Variants in ZNF750 observed in about 807,000 individuals in gnomAD.
ZNF750 encodes the protein zinc finger protein 750, also known as protein ZNF750.
A neutral mutation model predicts 31.6 loss-of-function variants in ZNF750; 10 were observed. The observed-to-expected ratio is 0.32, with a 90% CI of 0.19 to 0.54. ZNF750 has a LOEUF of 0.54. ZNF750 is among the 20% of genes least tolerant of loss of function. The pLI is 0.95. For synonymous variants in ZNF750, 400 were observed against 404.9 expected, an observed-to-expected ratio of 0.99 and a Z score of 0.15; for missense variants, 914 against 934.9, an observed-to-expected ratio of 0.98 and a Z score of 0.29.
At chr17:82,839,518 A>G (rs1232487183) in intron 1 of ZNF750, among the ~76,000 whole-genome samples, 1 of 151,476 alleles carries the variant, frequency 6.6e-6, no homozygotes, top group African/African-American at 2.5e-5. Context: ...ATGTACATAC[A>G]CCACACATAT....
intron 1 of ZNF750, among the ~76,000 whole-genome samples, chr17:82,834,676 A>T (rs1442084073): frequency 6.8e-6 from 1 of 147,008 alleles, no homozygotes; most frequent in Non-Finnish European, 1.5e-5. Context: ...GTGAAAACAC[A>T]TGGACACAGG....
At chr17:82,836,056 C>T (rs1242403678) in intron 1 of ZNF750, among the ~76,000 whole-genome samples, 2 of 152,192 alleles carry the variant, frequency 1.3e-5, no homozygotes, top group Non-Finnish European at 2.9e-5. Flanking sequence ...AAATGAAACA[C>T]GTAATGATAG....
rs772763914 is a variant in ZNF750, at chr17:82,830,366, G to A, written c.1948C>T (p.Arg650Trp). Residue 650 changes from arginine (R) to tryptophan (W), a missense_variant, in exon 3 of 3, where the codon CGG becomes TGG. Physicochemically the swap from Arg to Trp is moderately radical, Grantham distance 101. Coordinates refer to ENST00000269394, the MANE Select transcript of ZNF750 (RefSeq NM_024702.3). ...GCCGCAGCATCCCCATCGCCCACCCGGATGTTCCTGGGGCTGTAGGCCGCC... is the reference window on the plus strand; with the variant it reads ...GCCGCAGCATCCCCATCGCCCACCCAGATGTTCCTGGGGCTGTAGGCCGCC... ...QLAAYSPRNI[R>W]VGDGDAAAPE... 7 of 1,613,166 alleles carry A rather than the reference G, an allele frequency of 4.3e-6. No homozygotes were observed. The South Asian group carries it at 6.6e-5, about 15-fold the overall frequency.
Position 82,833,925 on chromosome 17 carries a change from G to A in ZNF750, c.-182-1289C>T, listed in dbSNP as rs1442257853. On this transcript the variant is annotated intron_variant, in intron 1 of 2. Coordinates refer to ENST00000269394, the MANE Select transcript of ZNF750 (RefSeq NM_024702.3). This position sits in a 1 kb window ranked among gnomAD's most constrained non-coding sequence, Gnocchi z 4.7. ...GTTTCCTTCAGAGGCTGTGCCGCAC[G>A]CCCAAGGCTGAGAACAAAGGCTGTT... Among the ~76,000 whole-genome samples the A allele has an allele frequency of 4.0e-5, 6 of 151,654 alleles. No homozygotes were observed. Among genetic ancestry groups the A allele is most frequent in the Admixed American group, 2.0e-4 (3 of 15,222 alleles).
At position 82,830,610 on chromosome 17, in the gene ZNF750, G is replaced by T. The variant is rs773596288; in HGVS notation, c.1704C>A (p.Phe568Leu). 1 of 1,613,950 alleles carries T rather than the reference G, an allele frequency of 6.2e-7. No homozygotes were observed. Among genetic ancestry groups the T allele is most frequent in the Non-Finnish European group, 8.5e-7 (1 of 1,179,974 alleles). The change falls in exon 3 of 3, where the codon TTC (phenylalanine) becomes TTA (leucine). Residue 568 changes from phenylalanine (F) to leucine (L), a missense_variant. By Grantham distance (22) the Phe-to-Leu change is conservative (BLOSUM62 0). Transcript: ENST00000269394. The part of the protein sequence containing the change: ...PCNTQAPRPA[F>L]PGRPRAAEPA... ...GTTCTGCAGCTCGTGGTCGACCGGG[G>T]AAGGCAGGCCTCGGAGCCTGGGTGT... is the stretch of plus-strand genomic sequence containing the variant.
intron 1 of ZNF750, chr17:82,838,589 G>A (rs1567865370): frequency 5.3e-6 from 5 of 935,928 alleles, no homozygotes; most frequent in African/African-American, 1.8e-5. Flanking sequence ...CACCATTGTC[G>A]CCTACCCACT....
Position 82,830,776 on chromosome 17 carries a change from G to A in ZNF750, c.1538C>T (p.Pro513Leu). The A allele has an allele frequency of 5.6e-6, 9 of 1,613,744 alleles. No homozygotes were observed. The highest frequency in any genetic ancestry group is 7.6e-6 in the Non-Finnish European group (9 of 1,180,030). Reference sequence around the variant, plus strand: ...CTCTGATTTCTTGGAGAGGTTGAGGGGGCCCATCCCGGAGCTGTCGTCCGG... The same window carrying A: ...CTCTGATTTCTTGGAGAGGTTGAGGAGGCCCATCCCGGAGCTGTCGTCCGG... ...SSPDDSSGMGPLNLSKKSEIN... is the reference protein window; with the variant it reads ...SSPDDSSGMGLLNLSKKSEIN... The change falls in exon 3 of 3, where the codon CCC (proline) becomes CTC (leucine). Residue 513 changes from proline to leucine, a missense_variant. By Grantham distance (98) the Pro-to-Leu change is moderately conservative. Coordinates refer to ENST00000269394, the MANE Select transcript of ZNF750 (RefSeq NM_024702.3).
At chr17:82,839,008 AG>A (rs2054229339) in intron 1 of ZNF750, 2 of 981,604 alleles carry the variant, frequency 2.0e-6, no homozygotes, top group African/African-American at 3.5e-5. Context: ...ATTTCATATA[AG>A]GAAAAAAACC....
rs2053601484 is a variant in ZNF750, at chr17:82,832,459, C to T, written c.-5G>A. 6.2e-7 allele frequency: 1 copy of T among 1,607,638 alleles called. No individual in the cohort carries two copies. ...CCGCTCTTTGAGGAGACTCATTTTC[C>T]TCCTTATGCCTTGGACTCTGGCTGT... On this transcript the variant is annotated 5_prime_UTR_variant, in exon 2 of 3. Coordinates refer to ENST00000269394, the MANE Select transcript of ZNF750 (RefSeq NM_024702.3). This position sits in a 1 kb window ranked among gnomAD's most constrained non-coding sequence, Gnocchi z 4.9.
In ZNF750 at chr17:82,835,660, G is replaced by A. The variant is rs2053907151; in HGVS notation, c.-182-3024C>T. On this transcript the variant is annotated intron_variant, in intron 1 of 2. Coordinates refer to ENST00000269394, the MANE Select transcript of ZNF750 (RefSeq NM_024702.3). The surrounding 1 kb of genome is among the most constrained non-coding windows in gnomAD (Gnocchi z 4.5). ...GGCTGGTCTTGAACTCCTGACCTCA[G>A]GCGATCTGCCCGCCTCAGCCTCCCA... Among the ~76,000 whole-genome samples, 1 of 151,972 alleles carries A rather than the reference G, an allele frequency of 6.6e-6. No homozygotes were observed. The highest frequency in any genetic ancestry group is 1.5e-5 in the Non-Finnish European group (1 of 67,988).
chr17:82,839,582 C>T (rs1257842076), intron 1 of ZNF750, among the ~76,000 whole-genome samples: 1 of 152,220 alleles, frequency 6.6e-6, no homozygotes, highest in Non-Finnish European at 1.5e-5. Context: ...ATGACCCTTA[C>T]CTCTTGTTAG....
At chr17:82,834,339 G>GT (rs2053781132) in intron 1 of ZNF750, among the ~76,000 whole-genome samples, 1 of 152,236 alleles carries the variant, frequency 6.6e-6, no homozygotes. Context: ...GACAGGGTGA[G>GT]TGGGAGATGG....
rs542807237 is a variant in ZNF750 at position 82,829,833 on chromosome 17, T to A, written c.*309A>T. On this transcript the variant is annotated 3_prime_UTR_variant, in exon 3 of 3. Coordinates refer to ENST00000269394, the MANE Select transcript of ZNF750 (RefSeq NM_024702.3). ...CAGTTAAAACAATTTGTTGTAATGG[T>A]GAGATATTTATAAGGAAACATTTAT... 4 of 382,680 alleles carry A rather than the reference T, an allele frequency of 1.0e-5. No homozygotes were observed. The South Asian group carries it at 1.6e-4, about 15-fold the overall frequency. The allele number at this position is 382,680 out of a possible 1,614,324, so 23.7% of individuals were successfully genotyped here.
chr17:82,837,305 C>G (rs983601708), intron 1 of ZNF750, among the ~76,000 whole-genome samples: 48 of 152,360 alleles, frequency 3.2e-4, no homozygotes, highest in African/African-American at 1.1e-3. Context: ...GAAATAGTCT[C>G]TGTGTGGTCA....
chr17:82,831,428 G>A lies in ZNF750; in HGVS notation c.1027C>T (p.Arg343Ter), dbSNP rs1461632368. ...TCAAGCAGGTGAGAGCTCTGATCTC[G>A]GGTGAGGCCAGTGACAGGTGGGAGT... ...LRLPPVTGLT[R>*]DQSSHLLEEA... is the part of the protein sequence containing the mutation. The change falls in exon 2 of 3, where the codon CGA (arginine) becomes TGA (stop). Residue 343 changes from arginine to a stop codon, truncating the protein, a stop_gained. Transcript: ENST00000269394. LOFTEE classifies it high-confidence loss of function. This position sits in a 1 kb window ranked among gnomAD's most constrained non-coding sequence, Gnocchi z 4.6. The A allele has an allele frequency of 6.2e-7, 1 of 1,614,166 alleles. No homozygotes were observed. Among genetic ancestry groups the A allele is most frequent in the Admixed American group, 1.7e-5 (1 of 60,016 alleles).
chr17:82,830,005 TTG>T lies in ZNF750; in HGVS notation c.*135_*136del. On this transcript the variant is annotated 3_prime_UTR_variant, in exon 3 of 3. Transcript: ENST00000269394. ...CTGAATTGGAGGGTTTTTTGTTTGT[TTG>T]TTTGTTTGTTTTTTTGAGAAGCAGC... The T allele has an allele frequency of 1.5e-6, 2 of 1,357,022 alleles. No homozygotes were observed. The highest frequency in any genetic ancestry group is 4.3e-5 in the Admixed American group (2 of 46,300). The allele number at this position is 1,357,022 out of a possible 1,614,324, so 84.1% of individuals were successfully genotyped here.
rs1033275542 is a variant in ZNF750, at chr17:82,829,994, T to G, written c.*148A>C. 3.0e-5 allele frequency: 32 copies of G among 1,069,664 alleles called. No homozygotes were observed. In the African/African-American group the frequency reaches 3.6e-4, roughly 12 times the overall value. The allele number at this position is 1,069,664 out of a possible 1,614,324, so 66.3% of individuals were successfully genotyped here. ...ATTTATAAAAACTGAATTGGAGGGT[T>G]TTTTGTTTGTTTGTTTGTTTGTTTT... On this transcript the variant is annotated 3_prime_UTR_variant, in exon 3 of 3. Coordinates refer to ENST00000269394, the MANE Select transcript of ZNF750 (RefSeq NM_024702.3).
intron 1 of ZNF750, 38 bp downstream of exon 1, chr17:82,839,884 TTAAAA>T (rs1406756482): frequency 6.6e-6 from 1 of 152,220 alleles, no homozygotes; most frequent in Non-Finnish European, 1.5e-5. Flanking sequence ...GAGAAGAGTT[TTAAAA>T]TAAAACTTGA....
In ZNF750 at chr17:82,835,444, C is replaced by T. The variant is rs933783274; in HGVS notation, c.-182-2808G>A. On this transcript the variant is annotated intron_variant, in intron 1 of 2. Coordinates refer to ENST00000269394, the MANE Select transcript of ZNF750 (RefSeq NM_024702.3). This position sits in a 1 kb window ranked among gnomAD's most constrained non-coding sequence, Gnocchi z 4.5. ...TTCTTTCTTTCTTTCTTTTTTGAGA[C>T]GGAGTTTTGGTCTTGTTGCCCAGGC... 1.3e-4 allele frequency among the ~76,000 whole-genome samples: 20 copies of T among 152,152 alleles called. No homozygotes were observed. Among genetic ancestry groups the T allele is most frequent in the Middle Eastern group, 6.8e-3 (2 of 294 alleles).
Sources: allele counts gnomAD v4.1 joint callset (sites outside exome capture counted in the v4.1 genomes callset), GRCh38; gene constraint gnomAD v4.1.1; non-coding constraint Gnocchi (gnomAD v3.1); transcripts MANE v1.5; gene names NCBI Gene and HGNC (gene_info 2026-07-23, HGNC 2026-07-21).